The following PPEF1 variants were observed in gnomAD, a reference collection of about 807,000 sequenced individuals.
The protein encoded by PPEF1 is protein phosphatase with EF-hand domain 1, also known as serine/threonine-protein phosphatase with EF-hands 1.
Under a neutral mutation model 53.3 loss-of-function variants are expected in PPEF1, and 12 were observed. The ratio of observed to expected loss-of-function variants is 0.23; its 90% CI spans 0.14 to 0.36. PPEF1 has a LOEUF of 0.36. Ranked by LOEUF, PPEF1 falls within the 10% of genes least tolerant of loss-of-function variation. The pLI, the probability that PPEF1 is intolerant of heterozygous loss-of-function variation, is 1.00. For missense variants in PPEF1, 334 were observed against 490.4 expected (o/e 0.68, Z 3.01); for synonymous variants, 165 against 176.7 (o/e 0.93, Z 0.52).
At chrX:18,811,611 A>G (rs1186200131) in intron 12 of PPEF1, among the ~76,000 whole-genome samples, 1 of 14,937 alleles carries the variant, frequency 6.7e-5, no homozygotes, top group African/African-American at 2.8e-4. Context: ...ATATATATAT[A>G]TATATTTTTT....
intron 2 of PPEF1, among the ~76,000 whole-genome samples, 184 bp from the exon 3 acceptor site, chrX:18,733,564 C>A (rs2044888895): frequency 9.0e-6 from 1 of 111,627 alleles, no homozygotes; most frequent in Admixed American, 9.5e-5. Context: ...CATGTGTTAC[C>A]CTGTGTTGCT....
At chrX:18,679,953 G>A (rs1159822566), upstream of PPEF1, among the ~76,000 whole-genome samples, 2 of 109,982 alleles carry the variant, frequency 1.8e-5, no homozygotes, top group African/African-American at 3.3e-5. Context: ...GCCAGGTATG[G>A]TGGCATGCAC....
At chrX:18,749,738 A>G in intron 3 of PPEF1, 54 bp from the exon 4 acceptor site, 1 of 362,546 alleles carries the variant, frequency 2.8e-6, no homozygotes, top group Non-Finnish European at 4.9e-6. Flanking sequence ...TAAGTATTGA[A>G]ATGTTGATTC....
chrX:18,767,833 G>A (rs148026489), intron 6 of PPEF1, among the ~76,000 whole-genome samples: 1,266 of 110,933 alleles, frequency 0.011, 23 homozygotes, highest in African/African-American at 0.04. Context: ...AGAGTGGTGA[G>A]GGGGTTGGGG....
intron 3 of PPEF1, among the ~76,000 whole-genome samples, chrX:18,743,541 C>G (rs1480989032): frequency 9.6e-6 from 1 of 104,428 alleles, no homozygotes; most frequent in East Asian, 3.0e-4. Context: ...CCTCTGCCTC[C>G]CGGGTTCAAG....
At position 18,734,128 on chromosome X, in the gene PPEF1, T is replaced by TTTATTATTA. The variant is rs200557837; in HGVS notation, c.235+331_235+339dup. 9.3e-4 allele frequency among the ~76,000 whole-genome samples: 99 copies of TTTATTATTA among 106,109 alleles called. 1 individual carries two copies. The highest frequency in any genetic ancestry group is 7.2e-3 in the East Asian group (25 of 3,456). 92.1% of individuals were successfully genotyped at this position (106,109 alleles called of 115,157 possible). On this transcript the variant is annotated intron_variant, in intron 3 of 15. Transcript: ENST00000470157. ...CAGTAGCTTAGTAAAGGGAACCTTA[T>TTTATTATTA]TTATTATTATTATTATTATACTTTA...
intron 6 of PPEF1, among the ~76,000 whole-genome samples, chrX:18,768,171 G>T (rs772656428): frequency 1.8e-5 from 2 of 111,812 alleles, no homozygotes; most frequent in East Asian, 5.6e-4. Flanking sequence ...GTTTTTAAGA[G>T]CAATAGATCT....
intron 1 of PPEF1, among the ~76,000 whole-genome samples, chrX:18,713,420 CTTTTTTTT>C (rs55997147): frequency 1.3e-5 from 1 of 77,502 alleles, no homozygotes; most frequent in African/African-American, 4.9e-5. Flanking sequence ...CCTTAAAATT[CTTTTTTTT>C]TTTTTTTTTT....
chrX:18,738,674 C>A (rs2147404521), intron 3 of PPEF1, among the ~76,000 whole-genome samples: 1 of 111,733 alleles, frequency 8.9e-6, no homozygotes, highest in African/African-American at 3.2e-5. Context: ...TGTTGGCCTG[C>A]CTTGCTAGAT....
Position 18,740,705 on chromosome X carries a change from G to A in PPEF1, c.235+6897G>A, listed in dbSNP as rs746968029. 7.2e-5 allele frequency among the ~76,000 whole-genome samples: 8 copies of A among 111,257 alleles called. No individual in the cohort carries two copies. In the South Asian group the frequency reaches 1.1e-3, roughly 16 times the overall value. On this transcript the variant is annotated intron_variant, in intron 3 of 15. Coordinates refer to ENST00000470157, the MANE Select transcript of PPEF1 (RefSeq NM_001377996.1). The stretch of plus-strand genomic sequence containing the variant: ...ATTACAGGCATGAGCCACTGCACCC[G>A]GCCTCTCTTCTCTTTGATCTGTCTG...
intron 1 of PPEF1, among the ~76,000 whole-genome samples, chrX:18,683,087 G>A (rs1304537715): frequency 9.0e-6 from 1 of 111,563 alleles, no homozygotes; most frequent in Non-Finnish European, 1.9e-5. Flanking sequence ...AGAACAGCAT[G>A]GGAAAGACCT....
chrX:18,814,757 A>G (rs1163677636), intron 12 of PPEF1, among the ~76,000 whole-genome samples: 1 of 111,928 alleles, frequency 8.9e-6, no homozygotes, highest in Non-Finnish European at 1.9e-5. Flanking sequence ...TGTTGCATAC[A>G]TAGTTTGTGA....
chrX:18,693,543 A>G (rs894048058), intron 4 of PPEF1, among the ~76,000 whole-genome samples: 61 of 112,070 alleles, frequency 5.4e-4, no homozygotes, highest in Non-Finnish European at 7.5e-5. Flanking sequence ...GCACTAACCT[A>G]AAGTACAGTT....
intron 6 of PPEF1, among the ~76,000 whole-genome samples, chrX:18,774,749 C>G (rs1041014107): frequency 8.9e-6 from 1 of 111,767 alleles, no homozygotes; most frequent in Non-Finnish European, 1.9e-5. Flanking sequence ...CCTTTTTCCT[C>G]TTTAATTTGT....
At chrX:18,795,151 A>T (rs1340356498) in intron 10 of PPEF1, among the ~76,000 whole-genome samples, 2 of 110,802 alleles carry the variant, frequency 1.8e-5, no homozygotes, top group Non-Finnish European at 3.8e-5. Flanking sequence ...ATCTATAAAA[A>T]GTACAAAAAT....
chrX:18,717,459 C>A (rs1475185486), intron 1 of PPEF1, among the ~76,000 whole-genome samples: 1 of 110,150 alleles, frequency 9.1e-6, no homozygotes, highest in African/African-American at 3.3e-5. Context: ...CTCATCCCCT[C>A]CAGTTCCTCT....
intron 13 of PPEF1, among the ~76,000 whole-genome samples, chrX:18,822,150 G>C (rs1324982248): frequency 2.7e-5 from 3 of 111,999 alleles, no homozygotes; most frequent in Non-Finnish European, 5.6e-5. Context: ...TAGAAGGTGG[G>C]TGCCACTACA....
At chrX:18,750,462 T>C (rs896044897) in intron 4 of PPEF1, among the ~76,000 whole-genome samples, 2 of 112,335 alleles carry the variant, frequency 1.8e-5, no homozygotes, top group Non-Finnish European at 3.8e-5. Flanking sequence ...TAAAGGTTCG[T>C]TCATGTCATA....
In PPEF1 at chrX:18,789,234, A is replaced by G. The variant is rs1230040054; in HGVS notation, c.1026A>G (p.Gly342=). 3.3e-6 allele frequency: 4 copies of G among 1,211,344 alleles called. No homozygotes were observed. In the South Asian group the frequency reaches 7.0e-5, roughly 21 times the overall value. ...CACATGGAAGAATCAAAACAAATGG[A>G]TCTCCTACTGAACACTTAACAGAGC... is the stretch of plus-strand genomic sequence containing the variant. ...FNAHGRIKTN[G]SPTEHLTEHE... is the part of the protein sequence containing the mutation. Residue 342 remains glycine (G), a synonymous_variant, in exon 10 of 16, where the codon GGA becomes GGG. Coordinates refer to ENST00000470157, the MANE Select transcript of PPEF1 (RefSeq NM_001377996.1).
Sources: allele counts gnomAD v4.1 joint callset (sites outside exome capture counted in the v4.1 genomes callset), GRCh38; gene constraint gnomAD v4.1.1; transcripts MANE v1.5; gene names NCBI Gene and HGNC (gene_info 2026-07-23, HGNC 2026-07-21).